MYO16: variants seen among roughly 807,000 people sequenced by gnomAD.
MYO16 encodes myosin XVI, also known as unconventional myosin-XVI.
MYO16 carries 94 observed loss-of-function variants against 205.3 expected under a neutral mutation model. The ratio of observed to expected loss-of-function variants is 0.46; its 90% CI spans 0.39 to 0.54. MYO16 has a LOEUF of 0.54. Ranked by LOEUF, MYO16 falls within the 20% of genes least tolerant of loss-of-function variation. The probability of loss-of-function intolerance (pLI) is 0.00; values close to 1 mark genes in which losing one functional copy is unlikely to be tolerated. For missense variants in MYO16, 2,315 were observed against 2,387.5 expected (o/e 0.97, Z 0.63); for synonymous variants, 988 against 954.0 (o/e 1.04, Z -0.66).
intron 1 of MYO16, among the ~76,000 whole-genome samples, chr13:108,652,402 T>A (rs1261889450): frequency 6.6e-6 from 1 of 152,242 alleles, no homozygotes; most frequent in Non-Finnish European, 1.5e-5. Context: ...TCTTTCATGT[T>A]CCTATAGTGG....
chr13:108,734,368 G>A (rs370151782), intron 4 of MYO16, among the ~76,000 whole-genome samples: 79 of 152,204 alleles, frequency 5.2e-4, no homozygotes, highest in South Asian at 1.0e-3. Context: ...TAGAAAAATT[G>A]ATATCGCTTC....
At position 109,003,837 on chromosome 13, in the gene MYO16, T is replaced by C. The variant is rs1030693801; in HGVS notation, c.2443-5060T>C. ...AGGCCAGGAGGATGCAATCAGATTGTGATCGAAAGCAGTTTTTGTACCTAC... is the reference window on the plus strand; with the variant it reads ...AGGCCAGGAGGATGCAATCAGATTGCGATCGAAAGCAGTTTTTGTACCTAC... On this transcript the variant is annotated intron_variant, in intron 21 of 34. Transcript: ENST00000457511. Among the ~76,000 whole-genome samples the C allele has an allele frequency of 5.3e-5, 8 of 152,314 alleles. No individual in the cohort carries two copies. The East Asian group carries it at 1.5e-3, about 29-fold the overall frequency.
At chr13:109,178,445 A>G (rs1057329795) in intron 33 of MYO16, among the ~76,000 whole-genome samples, 5 of 152,216 alleles carry the variant, frequency 3.3e-5, no homozygotes, top group Non-Finnish European at 7.3e-5. Flanking sequence ...TATAATTGGA[A>G]AAGCGTGCAC....
chr13:108,702,872 A>C (rs1883363847), intron 2 of MYO16, among the ~76,000 whole-genome samples: 2 of 152,016 alleles, frequency 1.3e-5, no homozygotes, highest in Non-Finnish European at 1.5e-5. Context: ...AATTTGAACT[A>C]AATTATTATA....
At chr13:108,895,618 G>A (rs1416514388) in intron 14 of MYO16, among the ~76,000 whole-genome samples, 1 of 152,212 alleles carries the variant, frequency 6.6e-6, no homozygotes, top group Non-Finnish European at 1.5e-5. Context: ...CAGTGGTTAA[G>A]TGTGTGATTC....
At chr13:109,199,218 A>G (rs932510774) in intron 34 of MYO16, among the ~76,000 whole-genome samples, 2 of 104,024 alleles carry the variant, frequency 1.9e-5, no homozygotes, top group Admixed American at 9.2e-5. Context: ...ATATATATAT[A>G]TATATATATA....
chr13:109,040,385 C>CACACACACACACAG (rs1394314811), intron 23 of MYO16, among the ~76,000 whole-genome samples: 2 of 113,216 alleles, frequency 1.8e-5, no homozygotes, highest in African/African-American at 6.4e-5. Flanking sequence ...CACACACACA[C>CACACACACACACAG]AGAGAGAGAG....
At chr13:108,729,263 A>G (rs979577767) in intron 4 of MYO16, among the ~76,000 whole-genome samples, 25 of 152,176 alleles carry the variant, frequency 1.6e-4, no homozygotes, top group African/African-American at 5.1e-4. Context: ...GAAAAAAACT[A>G]TAAAATATAT....
intron 29 of MYO16, among the ~76,000 whole-genome samples, chr13:109,124,578 C>T (rs1485889116): frequency 2.6e-5 from 4 of 152,150 alleles, no homozygotes; most frequent in African/African-American, 4.8e-5. Flanking sequence ...TTTTTCTAGC[C>T]GTCCTTTCCC....
the MYO16 span, among the ~76,000 whole-genome samples, chr13:108,541,480 A>T: frequency 6.6e-6 from 1 of 151,884 alleles, no homozygotes; most frequent in African/African-American, 2.4e-5. Flanking sequence ...ATAATATTGA[A>T]TAGATAATTG....
chr13:109,176,334 G>C (rs1170837159), intron 33 of MYO16, among the ~76,000 whole-genome samples: 1 of 151,416 alleles, frequency 6.6e-6, no homozygotes, highest in Non-Finnish European at 1.5e-5. Flanking sequence ...GGGATCTGTA[G>C]GATGTTTGAA....
chr13:108,681,719 TG>T (rs750486485), intron 2 of MYO16, among the ~76,000 whole-genome samples: 1 of 152,218 alleles, frequency 6.6e-6, no homozygotes, highest in Admixed American at 6.5e-5. Flanking sequence ...GCCAGAGTTT[TG>T]TTTCTCTCCT....
intron 28 of MYO16, among the ~76,000 whole-genome samples, chr13:109,103,497 G>T (rs1179771617): frequency 6.6e-6 from 1 of 152,212 alleles, no homozygotes; most frequent in East Asian, 1.9e-4. Flanking sequence ...GAGGACAGAA[G>T]TGATTAGAAT....
At chr13:109,066,871 A>AT (rs1477340107) in intron 27 of MYO16, among the ~76,000 whole-genome samples, 1 of 152,148 alleles carries the variant, frequency 6.6e-6, no homozygotes, top group African/African-American at 2.4e-5. Context: ...GTTGGGGAAG[A>AT]TTTTTTAGAA....
chr13:108,852,988 G>T (rs79002658), intron 10 of MYO16, among the ~76,000 whole-genome samples: 2,445 of 152,278 alleles, frequency 0.016, 55 homozygotes, highest in African/African-American at 0.055. Context: ...AGATGAGCTC[G>T]CATTTTCTAA....
At chr13:108,531,874 C>T in the MYO16 span, among the ~76,000 whole-genome samples, 1 of 151,974 alleles carries the variant, frequency 6.6e-6, no homozygotes, top group African/African-American at 2.4e-5. Context: ...CACAATTAGG[C>T]CAGAAGAGTC....
intron 4 of MYO16, among the ~76,000 whole-genome samples, chr13:108,750,537 G>C (rs113549798): frequency 0.28 from 41,715 of 150,644 alleles, 6,996 homozygotes; most frequent in Non-Finnish European, 0.38. Flanking sequence ...GGGAGGCCGA[G>C]GTGGGCTGAT....
intron 12 of MYO16, among the ~76,000 whole-genome samples, chr13:108,878,223 G>A (rs1879418004): frequency 6.6e-6 from 1 of 152,092 alleles, no homozygotes; most frequent in Non-Finnish European, 1.5e-5. Flanking sequence ...AGATATTCCT[G>A]TTTTCGTGCC....
At chr13:108,963,078 C>T (rs545881684) in intron 19 of MYO16, among the ~76,000 whole-genome samples, 3 of 152,326 alleles carry the variant, frequency 2.0e-5, no homozygotes, top group East Asian at 1.9e-4. Context: ...TCCCAGATGA[C>T]ATGCTTAATC....
Sources: allele counts gnomAD v4.1 joint callset (sites outside exome capture counted in the v4.1 genomes callset), GRCh38; gene constraint gnomAD v4.1.1; transcripts MANE v1.5; gene names NCBI Gene and HGNC (gene_info 2026-07-23, HGNC 2026-07-21).